Variants in PPRC1 observed in about 807,000 individuals in gnomAD.
The protein encoded by PPRC1 is PPARG related coactivator 1, also known as peroxisome proliferator-activated receptor gamma coactivator-related protein 1.
In PPRC1, 23 loss-of-function variants were observed where a neutral mutation model predicts 132.5. The ratio of observed to expected loss-of-function variants is 0.17; its 90% CI spans 0.12 to 0.25. The LOEUF is 0.25. Ranked by LOEUF, PPRC1 falls within the 10% of genes least tolerant of loss-of-function variation. The pLI is 1.00. For synonymous variants in PPRC1, 872 were observed against 833.5 expected (o/e 1.05, Z -0.80); for missense variants, 2,006 against 2,089.1 (o/e 0.96, Z 0.78).
rs1356834095 is a variant in PPRC1 at position 102,139,555 on chromosome 10, G to T, written c.1047G>T (p.Val349=). The change falls in exon 5 of 14, where the codon GTG becomes GTT. Residue 349 remains valine, a synonymous_variant. Transcript: ENST00000278070. The part of the protein sequence containing the change: ...LPEGCVVLEI[V]GQAATAGDDL... The stretch of plus-strand genomic sequence containing the variant: ...AGGGCTGCGTAGTGCTGGAGATTGT[G>T]GGGCAGGCAGCCACAGCTGGCGATG... 6 of 1,613,880 alleles carry T rather than the reference G, an allele frequency of 3.7e-6. No individual in the cohort carries two copies. The South Asian group carries it at 6.6e-5, about 18-fold the overall frequency.
chr10:102,137,416 T>C (rs2133614233), intron 1 of PPRC1, among the ~76,000 whole-genome samples: 1 of 152,216 alleles, frequency 6.6e-6, no homozygotes, highest in South Asian at 2.1e-4. Context: ...TTGAAGAAGG[T>C]AGGATTTGCA....
At chr10:102,129,317 CCA>C (rs1161639257), upstream of PPRC1, among the ~76,000 whole-genome samples, 8 of 152,210 alleles carry the variant, frequency 5.3e-5, no homozygotes, top group East Asian at 1.5e-3. Context: ...TTGGAGGTTC[CCA>C]GTTTTTGGTG....
chr10:102,137,203 G>A (rs1423425144), intron 1 of PPRC1, among the ~76,000 whole-genome samples: 1 of 152,182 alleles, frequency 6.6e-6, no homozygotes, highest in African/African-American at 2.4e-5. Flanking sequence ...GCTGGGCGTG[G>A]TGGTGGGCGC....
chr10:102,141,565 G>A lies in PPRC1; in HGVS notation c.3057G>A (p.Arg1019=). ...RAVPQPKMES[R]GTPAGPPENV... ...TTCCCCAACCTAAAATGGAGTCTAG[G>A]GGCACTCCAGCTGGCCCTCCTGAAA... Residue 1019 remains arginine (R), a synonymous_variant, in exon 5 of 14, where the codon AGG becomes AGA. Coordinates refer to ENST00000278070, the MANE Select transcript of PPRC1 (RefSeq NM_015062.5). 1 of 1,614,062 alleles carries A rather than the reference G, an allele frequency of 6.2e-7. No individual in the cohort carries two copies. Among genetic ancestry groups the A allele is most frequent in the Middle Eastern group, 1.6e-4 (1 of 6,062 alleles).
intron 7 of PPRC1, 192 bp from the exon 8 acceptor site, chr10:102,144,828 G>A: frequency 1.7e-6 from 1 of 581,454 alleles, no homozygotes; most frequent in South Asian, 2.2e-5. Context: ...TTGGAATTGG[G>A]CAGGGCTCAG....
chr10:102,120,925 CCTT>C, the PPRC1 span, among the ~76,000 whole-genome samples: 1,228 of 152,298 alleles, frequency 8.1e-3, 17 homozygotes, highest in African/African-American at 0.027. Context: ...GAGACGCCAG[CCTT>C]CTTCTGGAGG....
At chr10:102,132,987 G>T, upstream of PPRC1, 1 of 1,232,760 alleles carries the variant, frequency 8.1e-7, no homozygotes. Context: ...AGTGTCATTC[G>T]GGAGTTGTAG....
chr10:102,120,684 G>A, the PPRC1 span, among the ~76,000 whole-genome samples: 375 of 152,294 alleles, frequency 2.5e-3, no homozygotes, highest in Non-Finnish European at 4.3e-3. Context: ...AAAAGGAGAC[G>A]GAGGCAGAGA....
At chr10:102,129,074 C>A (rs532332425), upstream of PPRC1, among the ~76,000 whole-genome samples, 1 of 150,698 alleles carries the variant, frequency 6.6e-6, no homozygotes, top group East Asian at 2.0e-4. Flanking sequence ...GGACTACAGG[C>A]GCCCGCCACC....
intron 5 of PPRC1, among the ~76,000 whole-genome samples, chr10:102,142,246 G>A (rs1188512189): frequency 1.3e-5 from 2 of 151,662 alleles, no homozygotes; most frequent in African/African-American, 2.4e-5. Flanking sequence ...GGGACTACAG[G>A]TGCCCGCCAC....
At chr10:102,124,641 A>AC in the PPRC1 span, among the ~76,000 whole-genome samples, 21 of 116,990 alleles carry the variant, frequency 1.8e-4, no homozygotes, top group African/African-American at 5.7e-4. Flanking sequence ...GTGCCTGGCC[A>AC]TTTTTTTTTT....
chr10:102,134,974 C>T (rs1328539185), intron 1 of PPRC1, among the ~76,000 whole-genome samples: 1 of 152,198 alleles, frequency 6.6e-6, no homozygotes, highest in Admixed American at 6.5e-5. Context: ...TATATGTGAG[C>T]TGGTCAGTCA....
chr10:102,140,068 G>T lies in PPRC1; in HGVS notation c.1560G>T (p.Lys520Asn). 6.2e-7 allele frequency: 1 copy of T among 1,614,282 alleles called. No individual in the cohort carries two copies. The highest frequency in any genetic ancestry group is 8.5e-7 in the Non-Finnish European group (1 of 1,180,054). Residue 520 changes from lysine (K) to asparagine (N), a missense_variant, in exon 5 of 14, where the codon AAG (lysine) becomes AAT (asparagine). Transcript: ENST00000278070. ...CTGGGCCTCTCCAGGGTAAGGGGAA[G>T]CCCCGGGCTTGGGCTCGGGCCTGGG... ...KESGPLQGKG[K>N]PRAWARAWAA...
At chr10:102,123,834 T>C in the PPRC1 span, among the ~76,000 whole-genome samples, 80 of 70,406 alleles carry the variant, frequency 1.1e-3, no homozygotes, top group East Asian at 0.03. Context: ...ACGCCCGGCC[T>C]TTTTTTTTTT....
intron 8 of PPRC1, among the ~76,000 whole-genome samples, chr10:102,145,942 A>G (rs1253423029): frequency 1.3e-5 from 2 of 152,196 alleles, no homozygotes; most frequent in Admixed American, 6.5e-5. Flanking sequence ...GAAGGGTTAT[A>G]TAGAAACTAA....
In PPRC1 at chr10:102,140,641, G is replaced by A; in HGVS notation, c.2133G>A (p.Val711=). The A allele has an allele frequency of 6.2e-7, 1 of 1,614,010 alleles. No homozygotes were observed. Among genetic ancestry groups the A allele is most frequent in the South Asian group, 1.1e-5 (1 of 91,066 alleles). The change falls in exon 5 of 14, where the codon GTG becomes GTA. Residue 711 remains valine, a synonymous_variant. Coordinates refer to ENST00000278070, the MANE Select transcript of PPRC1 (RefSeq NM_015062.5). The part of the protein sequence containing the change: ...ALGGSAPQLL[V]ESESLDPPKT... ...GGGGTTCAGCACCCCAGCTCCTCGT[G>A]GAGTCAGAGTCCTTGGACCCACCAA...
chr10:102,148,602 G>T lies in PPRC1; in HGVS notation c.4551-26G>T. 6.2e-7 allele frequency: 1 copy of T among 1,613,854 alleles called. No homozygotes were observed. The highest frequency in any genetic ancestry group is 1.3e-5 in the African/African-American group (1 of 74,988). On this transcript the variant is annotated intron_variant, in intron 10 of 13. Transcript: ENST00000278070. This position sits in a 1 kb window ranked among gnomAD's most constrained non-coding sequence, Gnocchi z 4.2. ...AGTCTTGAATTGTCTTATGTTTGGG[G>T]GGCTGATGACACCCTCTTTTGTCAG...
At chr10:102,133,322 A>G in intron 1 of PPRC1, 101 bp downstream of exon 1, 1 of 1,078,066 alleles carries the variant, frequency 9.3e-7, no homozygotes, top group Non-Finnish European at 1.2e-6. Context: ...CTGAGAGTCG[A>G]TGCCGGGTGG....
chr10:102,120,075 G>T, the PPRC1 span: 1 of 1,438,098 alleles, frequency 7.0e-7, no homozygotes, highest in Non-Finnish European at 9.2e-7. Context: ...GTGGCCGCAC[G>T]CCCCACTCAC....
Sources: allele counts gnomAD v4.1 joint callset (sites outside exome capture counted in the v4.1 genomes callset), GRCh38; gene constraint gnomAD v4.1.1; non-coding constraint Gnocchi (gnomAD v3.1); transcripts MANE v1.5; gene names NCBI Gene and HGNC (gene_info 2026-07-23, HGNC 2026-07-21).